MTMR8: variants seen among roughly 807,000 people sequenced by gnomAD.
MTMR8 encodes the protein myotubularin related protein 8, also known as phosphatidylinositol-3,5-bisphosphate 3-phosphatase MTMR8.
Under a neutral mutation model 39.3 loss-of-function variants are expected in MTMR8, and 65 were observed. The ratio of observed to expected loss-of-function variants is 1.65; its 90% CI spans 1.35 to 2.03. MTMR8 has a LOEUF of 2.03. Among genes scored for constraint, MTMR8 ranks in the 30% most tolerant of loss-of-function variants. The probability of loss-of-function intolerance (pLI) is 0.00; values close to 1 mark genes in which losing one functional copy is unlikely to be tolerated. For missense variants in MTMR8, 777 were observed against 538.9 expected (o/e 1.44, Z -4.37); for synonymous variants, 245 against 185.2 (o/e 1.32, Z -2.62).
intron 1 of MTMR8, among the ~76,000 whole-genome samples, chrX:64,375,561 T>C (rs1057118002): frequency 1.5e-4 from 17 of 111,061 alleles, no homozygotes; most frequent in African/African-American, 5.6e-4. Flanking sequence ...TGCAATAGTA[T>C]TAACAGGTGG....
chrX:64,327,138 C>A (rs1175562315), intron 12 of MTMR8, among the ~76,000 whole-genome samples: 1 of 111,326 alleles, frequency 9.0e-6, no homozygotes, highest in Non-Finnish European at 1.9e-5. Context: ...AATTTTTTGG[C>A]TATGACTCTA....
chrX:64,279,964 C>A (rs933695893), intron 12 of MTMR8, among the ~76,000 whole-genome samples: 1 of 111,797 alleles, frequency 8.9e-6, no homozygotes, highest in South Asian at 3.7e-4. Context: ...TGAATAAATT[C>A]CTGGACACAT....
At chrX:64,333,352 G>A (rs1277345398) in intron 10 of MTMR8, among the ~76,000 whole-genome samples, 1 of 110,595 alleles carries the variant, frequency 9.0e-6, no homozygotes, top group African/African-American at 3.3e-5. Flanking sequence ...AAATATCAAG[G>A]CCATTAAGTA....
chrX:64,352,883 A>T (rs373632856), intron 4 of MTMR8, among the ~76,000 whole-genome samples: 6 of 110,026 alleles, frequency 5.5e-5, no homozygotes, highest in Non-Finnish European at 1.1e-4. Flanking sequence ...CTAAAACACA[A>T]ATATATATAT....
At chrX:64,340,096 A>C (rs1923176239) in intron 8 of MTMR8, among the ~76,000 whole-genome samples, 1 of 111,868 alleles carries the variant, frequency 8.9e-6, no homozygotes, top group South Asian at 3.8e-4. Flanking sequence ...GCAGAGAATG[A>C]CCGTGGCTAG....
chrX:64,394,176 G>A (rs1924764570), intron 1 of MTMR8, among the ~76,000 whole-genome samples: 1 of 111,521 alleles, frequency 9.0e-6, no homozygotes, highest in African/African-American at 3.3e-5. Flanking sequence ...GATCTCATGA[G>A]ACCCATTCAC....
intron 1 of MTMR8, among the ~76,000 whole-genome samples, chrX:64,368,843 T>G (rs920960760): frequency 1.8e-5 from 2 of 111,661 alleles, no homozygotes; most frequent in African/African-American, 6.5e-5. Flanking sequence ...TTGGAGAAAA[T>G]TTTTGCAATC....
At chrX:64,271,184 A>C (rs1049854480) in intron 12 of MTMR8, 111 bp from the exon 13 acceptor site, 122 of 755,943 alleles carry the variant, frequency 1.6e-4, no homozygotes, top group Middle Eastern at 3.3e-4. Flanking sequence ...GGAAAATCTC[A>C]TGAGTACTGT....
At chrX:64,316,510 G>A (rs1027304592) in intron 12 of MTMR8, among the ~76,000 whole-genome samples, 7 of 111,045 alleles carry the variant, frequency 6.3e-5, no homozygotes, top group African/African-American at 2.3e-4. Flanking sequence ...AGGTGGGCAT[G>A]ATTGGTGCAT....
At chrX:64,316,651 A>G (rs954242929) in intron 12 of MTMR8, among the ~76,000 whole-genome samples, 11 of 111,696 alleles carry the variant, frequency 9.8e-5, no homozygotes, top group Admixed American at 4.8e-4. Flanking sequence ...CAGTCTCAAA[A>G]AAAGACTATT....
At chrX:64,298,581 G>A (rs1221696291) in intron 12 of MTMR8, among the ~76,000 whole-genome samples, 2 of 88,196 alleles carry the variant, frequency 2.3e-5, no homozygotes, top group Middle Eastern at 4.9e-3. Context: ...TCCTTCTCCT[G>A]TCTAATTGCC....
intron 10 of MTMR8, among the ~76,000 whole-genome samples, chrX:64,334,814 G>A (rs1466547320): frequency 9.0e-6 from 1 of 111,573 alleles, no homozygotes; most frequent in Non-Finnish European, 1.9e-5. Flanking sequence ...CAGTTAAAAT[G>A]TCACCTATTA....
chrX:64,287,041 C>A (rs1457104583), intron 12 of MTMR8, among the ~76,000 whole-genome samples: 1 of 111,783 alleles, frequency 8.9e-6, no homozygotes, highest in Non-Finnish European at 1.9e-5. Flanking sequence ...TTGCAGATGA[C>A]ATGATTGTAT....
At chrX:64,334,158 C>T (rs1287341302) in intron 10 of MTMR8, among the ~76,000 whole-genome samples, 3 of 110,936 alleles carry the variant, frequency 2.7e-5, no homozygotes, top group Non-Finnish European at 5.7e-5. Context: ...CAGATTACTA[C>T]TGAATAGTCT....
At chrX:64,378,737 A>G (rs1421785345) in intron 1 of MTMR8, among the ~76,000 whole-genome samples, 2 of 112,413 alleles carry the variant, frequency 1.8e-5, no homozygotes, top group Non-Finnish European at 3.7e-5. Context: ...ACCTTAGAAA[A>G]CTAAAAAATA....
chrX:64,354,916 T>C lies in MTMR8; in HGVS notation c.329A>G (p.Tyr110Cys). ...GGATTTGGGATTATAAGAAAAAGCA[T>C]AAAGATCTTCAGGTAATGCTGGAGA... ...LSQPALPEDL[Y>C]AFSYNPKSSK... Residue 110 changes from tyrosine to cysteine, a missense_variant, in exon 4 of 14, where the codon TAT becomes TGT. Coordinates refer to ENST00000374852, the MANE Select transcript of MTMR8 (RefSeq NM_017677.4). The C allele has an allele frequency of 8.4e-7, 1 of 1,197,256 alleles. No homozygotes were observed. Among genetic ancestry groups the C allele is most frequent in the South Asian group, 1.9e-5 (1 of 53,727 alleles).
chrX:64,304,508 G>A (rs763978110), intron 12 of MTMR8, among the ~76,000 whole-genome samples: 3 of 111,128 alleles, frequency 2.7e-5, no homozygotes, highest in Admixed American at 1.9e-4. Context: ...CTGCTTCATA[G>A]CAAGGCCTAG....
At position 64,328,779 on chromosome X, in the gene MTMR8, T is replaced by G; in HGVS notation, c.1474A>C (p.Asn492His). 8.6e-7 allele frequency: 1 copy of G among 1,162,400 alleles called. No individual in the cohort carries two copies. Among genetic ancestry groups the G allele is most frequent in the Non-Finnish European group, 1.1e-6 (1 of 874,945 alleles). ...AAAAACTTAAGAACTTACTGAATGT[T>G]GTAGGGCACAGTACTAGGATTGAGT... The part of the protein sequence containing the change: ...GVLNPSTVPY[N>H]IQFWCGMYNR... Residue 492 changes from asparagine (N) to histidine (H), a missense_variant, in exon 12 of 14, where the codon AAC becomes CAC. Asn to His is a moderately conservative substitution (Grantham distance 68, BLOSUM62 1). Transcript: ENST00000374852.
In MTMR8 at chrX:64,337,383, A is replaced by G. The variant is rs1923106325; in HGVS notation, c.986T>C (p.Val329Ala). ...AGIFITKAVK[V>A]EKASVLVHCS... is the part of the protein sequence containing the mutation. ...ATGGACTAAGACACTGGCCTTTTCT[A>G]CCTTCACTGCCTGTGAAGACAAGAG... Residue 329 changes from valine (V) to alanine (A), a missense_variant, in exon 9 of 14, where the codon GTA (valine) becomes GCA (alanine). By Grantham distance (64) the Val-to-Ala change is moderately conservative. Coordinates refer to ENST00000374852, the MANE Select transcript of MTMR8 (RefSeq NM_017677.4). The G allele has an allele frequency of 6.6e-6, 8 of 1,207,193 alleles. No homozygotes were observed. In the African/African-American group the frequency reaches 1.4e-4, roughly 21 times the overall value.
Sources: gnomAD v4.1 joint callset for allele counts (sites outside exome capture counted in the v4.1 genomes callset) on GRCh38, gnomAD v4.1.1 for gene constraint, MANE v1.5 for transcripts, NCBI Gene and HGNC (gene_info 2026-07-23, HGNC 2026-07-21) for gene names.